The following RAB3GAP1 variants were observed in gnomAD, a reference collection of about 807,000 sequenced individuals.
RAB3GAP1 encodes rab3 GTPase-activating protein catalytic subunit.
A neutral mutation model predicts 130.7 loss-of-function variants in RAB3GAP1; 86 were observed. The observed-to-expected ratio is 0.66, with a 90% CI of 0.55 to 0.79. The LOEUF (loss-of-function observed/expected upper bound fraction) is 0.79. RAB3GAP1 is among the 30% of genes least tolerant of loss of function. The probability of loss-of-function intolerance (pLI) is 0.00; values close to 1 mark genes in which losing one functional copy is unlikely to be tolerated. For synonymous variants in RAB3GAP1, 367 were observed against 401.7 expected (o/e 0.91, Z 1.03); for missense variants, 1,029 against 1,169.4 (o/e 0.88, Z 1.75).
chr2:135,156,284 A>G (rs562065750), intron 19 of RAB3GAP1, among the ~76,000 whole-genome samples: 3 of 152,326 alleles, frequency 2.0e-5, no homozygotes, highest in South Asian at 4.1e-4. Context: ...TTCCAATGCT[A>G]CATAAATTAT....
At chr2:135,103,587 T>C (rs769340833) in intron 5 of RAB3GAP1, among the ~76,000 whole-genome samples, 18 of 152,216 alleles carry the variant, frequency 1.2e-4, no homozygotes, top group Non-Finnish European at 2.5e-4. Flanking sequence ...CAACCATTTC[T>C]GGCTCCTCTT....
intron 3 of RAB3GAP1, among the ~76,000 whole-genome samples, chr2:135,083,784 T>TG (rs1178472149): frequency 8.7e-5 from 13 of 150,222 alleles, no homozygotes; most frequent in African/African-American, 2.7e-4. Flanking sequence ...TTTTTTTTTT[T>TG]TTTTTTTAAT....
chr2:135,087,201 G>C (rs1192416738), intron 3 of RAB3GAP1, among the ~76,000 whole-genome samples: 1 of 152,126 alleles, frequency 6.6e-6, no homozygotes, highest in African/African-American at 2.4e-5. Context: ...AATTCCAGTA[G>C]CACCTCTGTT....
At chr2:135,078,982 C>T (rs1354192466) in intron 3 of RAB3GAP1, among the ~76,000 whole-genome samples, 1 of 152,118 alleles carries the variant, frequency 6.6e-6, no homozygotes, top group Admixed American at 6.5e-5. Context: ...ATTCTCCTGC[C>T]TCAGACTCCT....
At chr2:135,116,590 G>C (rs1016757772) in intron 7 of RAB3GAP1, among the ~76,000 whole-genome samples, 5 of 152,134 alleles carry the variant, frequency 3.3e-5, no homozygotes, top group African/African-American at 1.2e-4. Context: ...ATTTTAATAT[G>C]GACTGTATAT....
At chr2:135,054,165 G>C (rs1373373891) in intron 2 of RAB3GAP1, among the ~76,000 whole-genome samples, 1 of 152,190 alleles carries the variant, frequency 6.6e-6, no homozygotes, top group Non-Finnish European at 1.5e-5. Flanking sequence ...ATGTACATCA[G>C]AGTCTTAGAT....
chr2:135,158,225 C>T (rs1414133092), intron 19 of RAB3GAP1, among the ~76,000 whole-genome samples: 3 of 152,126 alleles, frequency 2.0e-5, no homozygotes, highest in Non-Finnish European at 4.4e-5. Flanking sequence ...GCAGTGAGCA[C>T]ACATAGCTTG....
At chr2:135,097,652 G>A (rs1262479010) in intron 5 of RAB3GAP1, among the ~76,000 whole-genome samples, 1 of 152,142 alleles carries the variant, frequency 6.6e-6, no homozygotes, top group African/African-American at 2.4e-5. Flanking sequence ...GTGACCATTG[G>A]TGACTGGCTT....
chr2:135,128,787 T>G (rs1217721093), intron 11 of RAB3GAP1, among the ~76,000 whole-genome samples: 2 of 152,250 alleles, frequency 1.3e-5, no homozygotes, highest in African/African-American at 4.8e-5. Flanking sequence ...ATAGTATTTG[T>G]TAAGCATTCA....
intron 5 of RAB3GAP1, among the ~76,000 whole-genome samples, chr2:135,102,478 AT>A (rs1238320690): frequency 6.6e-6 from 1 of 152,224 alleles, no homozygotes; most frequent in Non-Finnish European, 1.5e-5. Context: ...ATATGAACTA[AT>A]ACAGAAAGTA....
At chr2:135,059,584 C>T (rs1689112408) in intron 3 of RAB3GAP1, among the ~76,000 whole-genome samples, 1 of 152,034 alleles carries the variant, frequency 6.6e-6, no homozygotes, top group Non-Finnish European at 1.5e-5. Flanking sequence ...ATAATCAAAT[C>T]AGGGTACTTG....
intron 7 of RAB3GAP1, among the ~76,000 whole-genome samples, chr2:135,117,458 TTCTGCTTCTG>T (rs1558784103): frequency 1.9e-4 from 29 of 148,818 alleles, no homozygotes; most frequent in Admixed American, 5.3e-4. Context: ...CTTCTTCTGC[TTCTGCTTCTG>T]CTTCTGCTTC....
intron 19 of RAB3GAP1, among the ~76,000 whole-genome samples, chr2:135,159,382 G>A (rs1017588514): frequency 3.9e-5 from 6 of 152,170 alleles, no homozygotes; most frequent in Admixed American, 6.5e-5. Flanking sequence ...CCATACTGGC[G>A]GTATGTACTC....
Position 135,091,123 on chromosome 2 carries a change from AT to A in RAB3GAP1, c.278del (p.Leu93Ter). 6.3e-7 allele frequency: 1 copy of A among 1,585,866 alleles called. No homozygotes were observed. The highest frequency in any genetic ancestry group is 8.7e-7 in the Non-Finnish European group (1 of 1,154,780). ...CTGATAAAGAAGGAAAGGATGAGTT[AT>A]TAGAGGGTAAGTTATTTCTATATAA... ...STDKEGKDEL[L>X]EDVVPQSMQD... On this transcript the variant is annotated frameshift_variant, in exon 4 of 24. Transcript: ENST00000264158. LOFTEE classifies it high-confidence loss of function.
At position 135,052,447 on chromosome 2, in the gene RAB3GAP1, T is replaced by G. The variant is rs1189481431; in HGVS notation, c.36T>G (p.Phe12Leu). 6.2e-7 allele frequency: 1 copy of G among 1,614,118 alleles called. No homozygotes were observed. The highest frequency in any genetic ancestry group is 8.5e-7 in the Non-Finnish European group (1 of 1,180,038). ...TCCCGCAGCCCGAATCCGAGGTATT[T>G]GAGATCACGGACTTCACCACTGCCT... is the stretch of plus-strand genomic sequence containing the variant. ...AADSEPESEVFEITDFTTASE... is the reference protein window; with the variant it reads ...AADSEPESEVLEITDFTTASE... The change falls in exon 2 of 24, where the codon TTT (phenylalanine) becomes TTG (leucine). Residue 12 changes from phenylalanine (F) to leucine (L), a missense_variant. Transcript: ENST00000264158.
At chr2:135,163,840 A>G (rs539627518) in intron 22 of RAB3GAP1, among the ~76,000 whole-genome samples, 21 of 152,350 alleles carry the variant, frequency 1.4e-4, no homozygotes, top group African/African-American at 5.0e-4. Context: ...TTAATATTGT[A>G]TGGCAAGGCA....
intron 5 of RAB3GAP1, among the ~76,000 whole-genome samples, chr2:135,096,311 G>T (rs1428248520): frequency 6.6e-6 from 1 of 152,040 alleles, no homozygotes; most frequent in Non-Finnish European, 1.5e-5. Flanking sequence ...TCTAAGGTAG[G>T]GGAAAATGAC....
chr2:135,117,714 T>G (rs62170238), intron 7 of RAB3GAP1, among the ~76,000 whole-genome samples: 56 of 138,650 alleles, frequency 4.0e-4, no homozygotes, highest in East Asian at 1.2e-3. Context: ...TGCTTCTGCT[T>G]CTTCTTCTGC....
intron 7 of RAB3GAP1, 44 bp downstream of exon 7, chr2:135,115,425 A>G (rs747052628): frequency 6.4e-7 from 1 of 1,552,396 alleles, no homozygotes; most frequent in Non-Finnish European, 8.9e-7. Context: ...AGATCCAGAT[A>G]AAAGTAGAGA....
Sources: gnomAD v4.1 joint callset for allele counts (sites outside exome capture counted in the v4.1 genomes callset) on GRCh38, gnomAD v4.1.1 for gene constraint, MANE v1.5 for transcripts, NCBI Gene and HGNC (gene_info 2026-07-23, HGNC 2026-07-21) for gene names.